VSTM2A: variants seen among roughly 807,000 people sequenced by gnomAD.
VSTM2A encodes the protein V-set and transmembrane domain containing 2A, also known as V-set and transmembrane domain-containing protein 2A.
In VSTM2A, 13 loss-of-function variants were observed where a neutral mutation model predicts 27.3. That is an observed-to-expected ratio of 0.48 (90% confidence interval 0.31 to 0.76). VSTM2A has a LOEUF of 0.76. Ranked by LOEUF, VSTM2A falls within the 30% of genes least tolerant of loss-of-function variation. The probability of loss-of-function intolerance (pLI) is 0.05; values close to 1 mark genes in which losing one functional copy is unlikely to be tolerated. For missense variants in VSTM2A, 280 were observed against 310.0 expected (o/e 0.90, Z 0.73); for synonymous variants, 142 against 125.7 (o/e 1.13, Z -0.87).
In VSTM2A at chr7:54,565,897, C is replaced by T. The variant is rs1264221122; in HGVS notation, c.635-3234C>T. ...CATTTGTCAACTCTCTTGAGAAATG[C>T]TTGCCTGATGCATCTCTGGGGAGGC... On this transcript the variant is annotated intron_variant, in intron 4 of 4. Coordinates refer to ENST00000402613, the MANE Select transcript of VSTM2A (RefSeq NM_001301009.2). Among the ~76,000 whole-genome samples, 3 of 152,170 alleles carry T rather than the reference C, an allele frequency of 2.0e-5. No homozygotes were observed. The East Asian group carries it at 5.8e-4, about 29-fold the overall frequency.
At chr7:54,547,061 C>A in intron 3 of VSTM2A, 64 bp downstream of exon 3, 1 of 1,492,052 alleles carries the variant, frequency 6.7e-7, no homozygotes, top group Non-Finnish European at 8.9e-7. Context: ...TTCCCTGTCC[C>A]CGAGAAGGCG....
intron 4 of VSTM2A, among the ~76,000 whole-genome samples, chr7:54,567,702 A>G (rs1788767156): frequency 6.6e-6 from 1 of 152,130 alleles, no homozygotes; most frequent in Non-Finnish European, 1.5e-5. Context: ...TACCAGACAT[A>G]CTTTGTGTGA....
Position 54,546,997 on chromosome 7 carries a change from C to T in VSTM2A, c.297C>T (p.Ser99=), listed in dbSNP as rs1474996759. ...CGGACAGCGACGGGACCAAGATCAG[C>T]GTGAGTGCGGGGCGCGCCAAGGGCC... The part of the protein sequence containing the change: ...RDPDSDGTKI[S]TVKVQGNDIS... The change falls in exon 3 of 5, where the codon AGC becomes AGT. Residue 99 remains serine, a splice_region_variant and synonymous_variant. Transcript: ENST00000402613. 6.7e-6 allele frequency: 10 copies of T among 1,501,796 alleles called. No individual in the cohort carries two copies. Among genetic ancestry groups the T allele is most frequent in the Non-Finnish European group, 8.0e-6 (9 of 1,130,184 alleles). The allele number at this position is 1,501,796 out of a possible 1,614,324, so 93.0% of individuals were successfully genotyped here.
intron 1 of VSTM2A, among the ~76,000 whole-genome samples, chr7:54,543,813 G>C (rs1787859285): frequency 6.6e-6 from 1 of 152,182 alleles, no homozygotes; most frequent in Admixed American, 6.5e-5. Flanking sequence ...TAAGAGCATT[G>C]CATGTTCAAG....
intron 4 of VSTM2A, among the ~76,000 whole-genome samples, chr7:54,568,211 A>G (rs1028016076): frequency 2.0e-5 from 3 of 152,150 alleles, no homozygotes; most frequent in African/African-American, 7.2e-5. Flanking sequence ...TTCTACCACA[A>G]TTTTTATCAT....
At chr7:54,564,111 C>G (rs1788648096) in intron 4 of VSTM2A, among the ~76,000 whole-genome samples, 1 of 152,204 alleles carries the variant, frequency 6.6e-6, no homozygotes, top group South Asian at 2.1e-4. Context: ...ACTCGAAGAG[C>G]TGTAATGGAC....
chr7:54,547,055 C>T (rs769928316), intron 3 of VSTM2A, 58 bp downstream of exon 3: 2 of 1,504,834 alleles, frequency 1.3e-6, no homozygotes, highest in Non-Finnish European at 1.8e-6. Flanking sequence ...CAGCCCTTCC[C>T]TGTCCCCGAG....
chr7:54,554,010 C>T (rs767873415), intron 4 of VSTM2A: 12 of 1,553,218 alleles, frequency 7.7e-6, no homozygotes, highest in African/African-American at 2.7e-5. Flanking sequence ...GCTTCCTGCT[C>T]CTCTTCCCCA....
intron 4 of VSTM2A, among the ~76,000 whole-genome samples, chr7:54,564,888 T>C (rs973282293): frequency 2.0e-5 from 3 of 152,244 alleles, no homozygotes; most frequent in African/African-American, 7.2e-5. Context: ...AGAAATTTGG[T>C]ACATTACAAA....
intron 4 of VSTM2A, among the ~76,000 whole-genome samples, chr7:54,553,381 C>T (rs1382377647): frequency 2.6e-5 from 4 of 152,100 alleles, no homozygotes; most frequent in East Asian, 1.9e-4. Context: ...TGAAGTTTGC[C>T]GTCTTCAATT....
At chr7:54,544,601 G>A in intron 1 of VSTM2A, 21 bp from the exon 2 acceptor site, 1 of 1,612,790 alleles carries the variant, frequency 6.2e-7, no homozygotes, top group Non-Finnish European at 8.5e-7. Context: ...TATTCCAACA[G>A]GATGCCTTTC....
intron 1 of VSTM2A, among the ~76,000 whole-genome samples, chr7:54,544,281 T>TTGTATCTCACTGAC (rs1279169212): frequency 6.6e-6 from 1 of 152,238 alleles, no homozygotes; most frequent in Non-Finnish European, 1.5e-5. Context: ...ATTGCCTAAA[T>TTGTATCTCACTGAC]TGTATCTCAC....
chr7:54,569,217 T>C lies in VSTM2A; in HGVS notation c.721T>C (p.Ter241GlnextTer41). ...SKHHPAPTVL[*>Q] The stretch of plus-strand genomic sequence containing the variant: ...GCACCACCCTGCACCCACTGTACTC[T>C]AATTCACTACACAAGGAGCGCCTGC... Residue 241 changes from the stop codon to glutamine (Q), a stop_lost, in exon 5 of 5, where the codon TAA becomes CAA. Coordinates refer to ENST00000402613, the MANE Select transcript of VSTM2A (RefSeq NM_001301009.2). 1.3e-6 allele frequency: 2 copies of C among 1,551,664 alleles called. No individual in the cohort carries two copies. The highest frequency in any genetic ancestry group is 1.2e-5 in the South Asian group (1 of 84,072).
At chr7:54,566,797 G>A (rs1029434459) in intron 4 of VSTM2A, among the ~76,000 whole-genome samples, 15 of 152,260 alleles carry the variant, frequency 9.9e-5, no homozygotes, top group African/African-American at 3.4e-4. Flanking sequence ...AGAACTCAGC[G>A]GTCCTGACGG....
chr7:54,569,241 G>C lies in VSTM2A; in HGVS notation c.*22G>C. 1.3e-6 allele frequency: 2 copies of C among 1,551,458 alleles called. No homozygotes were observed. Among genetic ancestry groups the C allele is most frequent in the South Asian group, 2.4e-5 (2 of 84,006 alleles). On this transcript the variant is annotated 3_prime_UTR_variant, in exon 5 of 5. Coordinates refer to ENST00000402613, the MANE Select transcript of VSTM2A (RefSeq NM_001301009.2). ...CTAATTCACTACACAAGGAGCGCCT[G>C]CTTCCGGAAGCATAAATGAAGAGGC...
intron 4 of VSTM2A, among the ~76,000 whole-genome samples, chr7:54,563,147 T>G (rs956579541): frequency 6.6e-6 from 1 of 152,224 alleles, no homozygotes; most frequent in African/African-American, 2.4e-5. Flanking sequence ...TATCTCTATA[T>G]ATTTTTAATA....
At chr7:54,545,192 G>A (rs1462938853) in intron 2 of VSTM2A, among the ~76,000 whole-genome samples, 3 of 151,770 alleles carry the variant, frequency 2.0e-5, no homozygotes, top group Non-Finnish European at 2.9e-5. Flanking sequence ...CGGGGCACCA[G>A]GCACCATCTG....
Position 54,550,115 on chromosome 7 carries a change from C to T in VSTM2A, c.579C>T (p.His193=), listed in dbSNP as rs1295220916. 5 of 1,607,786 alleles carry T rather than the reference C, an allele frequency of 3.1e-6. No individual in the cohort carries two copies. In the African/African-American group the frequency reaches 5.3e-5, roughly 17 times the overall value. Residue 193 remains histidine (H), a synonymous_variant, in exon 4 of 5, where the codon CAC becomes CAT. Transcript: ENST00000402613. ...ATGGCTCTGCCAACCAACGAACGCA[C>T]TCCACCTCCAGCCCTCAAGTGGTAG... ...SIHGSANQRT[H]STSSPQVVAK...
intron 4 of VSTM2A, among the ~76,000 whole-genome samples, chr7:54,566,753 A>C (rs553461044): frequency 9.8e-5 from 15 of 152,372 alleles, no homozygotes; most frequent in African/African-American, 3.1e-4. Context: ...TATCTCATTT[A>C]ATATCTCAAA....
Sources: gnomAD v4.1 joint callset for allele counts (sites outside exome capture counted in the v4.1 genomes callset) on GRCh38, gnomAD v4.1.1 for gene constraint, MANE v1.5 for transcripts, NCBI Gene and HGNC (gene_info 2026-07-23, HGNC 2026-07-21) for gene names.